Variants in VIT observed in about 807,000 individuals in gnomAD.
The protein encoded by VIT is vitrin.
VIT carries 99 observed loss-of-function variants against 78.0 expected under a neutral mutation model. The observed-to-expected ratio is 1.27, with a 90% CI of 1.08 to 1.50. VIT has a LOEUF of 1.50. Ranked by LOEUF, VIT falls within the 40% of genes most tolerant of loss-of-function variation. The pLI is 0.00. For synonymous variants in VIT, 374 were observed against 334.3 expected, an observed-to-expected ratio of 1.12 and a Z score of -1.29; for missense variants, 1,126 against 875.3, an observed-to-expected ratio of 1.29 and a Z score of -3.61.
chr2:36,805,614 G>A lies in VIT; in HGVS notation c.1339G>A (p.Ala447Thr). 6.2e-7 allele frequency: 1 copy of A among 1,614,166 alleles called. No homozygotes were observed. Among genetic ancestry groups the A allele is most frequent in the Non-Finnish European group, 8.5e-7 (1 of 1,180,024 alleles). ...INIFFITIEG[A>T]AENEKQYVVE... Reference sequence around the variant, plus strand: ...CATTTTCTTCATCACCATTGAAGGTGCTGCTGAAAATGAGAAGCAGTATGT... The same window carrying A: ...CATTTTCTTCATCACCATTGAAGGTACTGCTGAAAATGAGAAGCAGTATGT... Residue 447 changes from alanine to threonine, a missense_variant, in exon 14 of 16, where the codon GCT (alanine) becomes ACT (threonine). Coordinates refer to ENST00000379242, the MANE Select transcript of VIT (RefSeq NM_053276.4).
In VIT at chr2:36,754,792, A is replaced by G. The variant is rs545896777; in HGVS notation, c.276-129A>G. 3.2e-5 allele frequency: 32 copies of G among 1,008,566 alleles called. No homozygotes were observed. The African/African-American group carries it at 4.3e-4, about 14-fold the overall frequency. 62.5% of individuals were successfully genotyped at this position (1,008,566 alleles called of 1,614,324 possible). A position where few individuals can be genotyped will look rare whatever the true frequency, so the allele number is the denominator to read the frequency against. On this transcript the variant is annotated intron_variant, in intron 4 of 15. Transcript: ENST00000379242. ...ATTCTTGTGGGTTGGGCTTCATGTC[A>G]AGGTAAACTTTGCTTAACCTTGCTG...
Position 36,808,836 on chromosome 2 carries a change from G to T in VIT, c.1754G>T (p.Gly585Val), listed in dbSNP as rs1481617864. Residue 585 changes from glycine to valine, a missense_variant, in exon 15 of 16, where the codon GGT becomes GTT. Coordinates refer to ENST00000379242, the MANE Select transcript of VIT (RefSeq NM_053276.4). ...ATCAAGAGGGTGGGCTACTGGAGTG[G>T]TGGCACCAGCACGGGGGCTGCCATC... ...NAIKRVGYWS[G>V]GTSTGAAINF... 6.2e-7 allele frequency: 1 copy of T among 1,614,204 alleles called. No individual in the cohort carries two copies. The highest frequency in any genetic ancestry group is 1.1e-5 in the South Asian group (1 of 91,082).
intron 1 of VIT, among the ~76,000 whole-genome samples, chr2:36,701,968 C>A (rs1294377915): frequency 6.6e-6 from 1 of 152,166 alleles, no homozygotes; most frequent in African/African-American, 2.4e-5. Context: ...TTTTCTCAAT[C>A]TGGGGGCACA....
At chr2:36,742,229 C>A (rs1032320075) in intron 3 of VIT, among the ~76,000 whole-genome samples, 4 of 152,166 alleles carry the variant, frequency 2.6e-5, no homozygotes, top group African/African-American at 7.2e-5. Flanking sequence ...CCTACCCCTT[C>A]TGGGATACAG....
chr2:36,738,407 G>C (rs1022411691), intron 3 of VIT, among the ~76,000 whole-genome samples: 1 of 151,510 alleles, frequency 6.6e-6, no homozygotes, highest in Non-Finnish European at 1.5e-5. Context: ...TTAGGGTTTT[G>C]TAAGGACCAA....
In VIT at chr2:36,805,565, A is replaced by C. The variant is rs1247329056; in HGVS notation, c.1290A>C (p.Arg430Ser). The C allele has an allele frequency of 1.2e-6, 2 of 1,614,078 alleles. No individual in the cohort carries two copies. The highest frequency in any genetic ancestry group is 1.7e-6 in the Non-Finnish European group (2 of 1,180,002). ...CGGACAAAGTGGAGGAGGCTTCAAG[A>C]CTTGCGAGAGAGTCAGGAATCAACA... is the stretch of plus-strand genomic sequence containing the variant. Reference protein sequence around the residue: ...WPTDKVEEASRLARESGINIF... With the variant: ...WPTDKVEEASSLARESGINIF... Residue 430 changes from arginine to serine, a missense_variant, in exon 14 of 16, where the codon AGA becomes AGC. Physicochemically the swap from Arg to Ser is moderately radical, Grantham distance 110 (BLOSUM62 -1). Coordinates refer to ENST00000379242, the MANE Select transcript of VIT (RefSeq NM_053276.4).
chr2:36,720,032 G>C (rs1666396537), intron 2 of VIT, among the ~76,000 whole-genome samples: 1 of 152,106 alleles, frequency 6.6e-6, no homozygotes, highest in Non-Finnish European at 1.5e-5. Flanking sequence ...AATTAATATT[G>C]TTAAAATGCC....
intron 2 of VIT, among the ~76,000 whole-genome samples, chr2:36,725,228 A>G (rs936849781): frequency 2.6e-5 from 4 of 152,202 alleles, no homozygotes; most frequent in South Asian, 2.1e-4. Context: ...AGATAATTCA[A>G]TGGCCACATC....
chr2:36,789,921 TGC>T (rs1665370879), intron 12 of VIT, among the ~76,000 whole-genome samples: 1 of 152,162 alleles, frequency 6.6e-6, no homozygotes, highest in African/African-American at 2.4e-5. Context: ...AGCTCAGAAC[TGC>T]TCCTTCCCTC....
chr2:36,754,856 AGCCTGTTGATCAC>A lies in VIT; in HGVS notation c.276-63_276-51del, dbSNP rs1668667500. The stretch of plus-strand genomic sequence containing the variant: ...AAATAAAGATGGCGACTGGTTTTCT[AGCCTGTTGATCAC>A]GTCAAAAAATATTTCTGTTCTTTCC... On this transcript the variant is annotated intron_variant, in intron 4 of 15. Transcript: ENST00000379242. 1.9e-6 allele frequency: 3 copies of A among 1,551,948 alleles called. No individual in the cohort carries two copies. In the South Asian group the frequency reaches 3.7e-5, roughly 19 times the overall value.
intron 15 of VIT, among the ~76,000 whole-genome samples, chr2:36,811,491 G>C (rs1237289903): frequency 6.6e-6 from 1 of 152,194 alleles, no homozygotes; most frequent in Admixed American, 6.5e-5. Flanking sequence ...CCTGGAGGCA[G>C]ATTCTTACTC....
At chr2:36,707,998 G>T (rs1250134172) in intron 1 of VIT, among the ~76,000 whole-genome samples, 3 of 152,108 alleles carry the variant, frequency 2.0e-5, no homozygotes, top group Non-Finnish European at 4.4e-5. Flanking sequence ...CCCTAAGGTG[G>T]CTGCTGGTGT....
At chr2:36,777,904 C>T (rs145256921) in intron 9 of VIT, among the ~76,000 whole-genome samples, 13 of 152,238 alleles carry the variant, frequency 8.5e-5, no homozygotes, top group East Asian at 5.8e-4. Context: ...TCCTGCGATC[C>T]GCACTAAACA....
At chr2:36,787,683 G>T (rs1239291898) in intron 12 of VIT, 1 of 341,730 alleles carries the variant, frequency 2.9e-6, no homozygotes, top group Non-Finnish European at 5.7e-6. Context: ...TACAGCATTT[G>T]TTTGAGGGAC....
intron 3 of VIT, among the ~76,000 whole-genome samples, chr2:36,731,353 G>A (rs1363562951): frequency 3.3e-5 from 5 of 151,866 alleles, no homozygotes; most frequent in South Asian, 2.1e-4. Flanking sequence ...GGCTAACTGC[G>A]ACCTCCACCT....
chr2:36,766,999 A>G, intron 6 of VIT, 95 bp from the exon 7 acceptor site: 1 of 1,343,738 alleles, frequency 7.4e-7, no homozygotes, highest in Non-Finnish European at 9.8e-7. Flanking sequence ...CTCTGTGCTC[A>G]TAGCTAGTGT....
chr2:36,804,627 C>T (rs1666571859), intron 13 of VIT, among the ~76,000 whole-genome samples: 2 of 152,104 alleles, frequency 1.3e-5, no homozygotes, highest in African/African-American at 2.4e-5. Flanking sequence ...ATCAAGAGAT[C>T]GAGACCATCC....
rs369524453 is a variant in VIT, at chr2:36,775,076, C to A, written c.802+9C>A. ...AGCGGATGTCAGCCTGGGTAAGCTG[C>A]CCACTGCTTACCATCTCTGCTCCCT... On this transcript the variant is annotated intron_variant, in intron 9 of 15. Transcript: ENST00000379242. 157 of 1,613,392 alleles carry A rather than the reference C, an allele frequency of 9.7e-5. No homozygotes were observed. Among genetic ancestry groups the A allele is most frequent in the Non-Finnish European group, 1.3e-4 (155 of 1,179,922 alleles).
chr2:36,758,359 G>A (rs569213356), intron 5 of VIT, among the ~76,000 whole-genome samples: 17 of 152,272 alleles, frequency 1.1e-4, no homozygotes, highest in South Asian at 2.1e-4. Context: ...AATTTCAGGC[G>A]TCCTTTTATG....
Sources: gnomAD v4.1 joint callset for allele counts (sites outside exome capture counted in the v4.1 genomes callset) on GRCh38, gnomAD v4.1.1 for gene constraint, MANE v1.5 for transcripts, NCBI Gene and HGNC (gene_info 2026-07-23, HGNC 2026-07-21) for gene names.